ITGA8: variants seen among roughly 807,000 people sequenced by gnomAD.
ITGA8 encodes the protein integrin alpha-8.
In ITGA8, 91 loss-of-function variants were observed where a neutral mutation model predicts 142.3. The observed-to-expected ratio is 0.64, with a 90% CI of 0.54 to 0.76. The LOEUF (loss-of-function observed/expected upper bound fraction) is 0.76. Among genes scored for constraint, ITGA8 ranks in the 30% least tolerant of loss-of-function variants. The pLI is 0.00. For missense variants in ITGA8, 1,406 were observed against 1,327.7 expected (o/e 1.06, Z -0.92); for synonymous variants, 505 against 485.2 (o/e 1.04, Z -0.54).
chr10:15,706,103 G>A (rs1224960845), intron 2 of ITGA8, among the ~76,000 whole-genome samples: 1 of 152,112 alleles, frequency 6.6e-6, no homozygotes, highest in Non-Finnish European at 1.5e-5. Flanking sequence ...CATCTGTTGG[G>A]AGGTCTAATA....
At chr10:15,560,370 CAA>C (rs1353945697) in intron 25 of ITGA8, among the ~76,000 whole-genome samples, 1 of 152,076 alleles carries the variant, frequency 6.6e-6, no homozygotes, top group Non-Finnish European at 1.5e-5. Flanking sequence ...TGCAGTAGCT[CAA>C]GAGTGAAAGG....
intron 25 of ITGA8, among the ~76,000 whole-genome samples, chr10:15,565,947 A>C (rs1834071233): frequency 1.3e-5 from 2 of 150,570 alleles, no homozygotes; most frequent in Non-Finnish European, 3.0e-5. Context: ...TGAGAGACAG[A>C]GGGAAAGAGG....
chr10:15,616,372 G>T, intron 14 of ITGA8, 142 bp downstream of exon 14: 1 of 685,314 alleles, frequency 1.5e-6, no homozygotes, highest in Non-Finnish European at 2.5e-6. Flanking sequence ...AAGAGTGAGA[G>T]CAAAAAATAC....
intron 11 of ITGA8, among the ~76,000 whole-genome samples, chr10:15,650,013 C>T (rs1834057170): frequency 6.6e-6 from 1 of 152,126 alleles, no homozygotes; most frequent in African/African-American, 2.4e-5. Flanking sequence ...AGAATAATTG[C>T]CCAAACTTGG....
intron 26 of ITGA8, among the ~76,000 whole-genome samples, chr10:15,554,822 G>C (rs772398896): frequency 6.6e-6 from 1 of 151,782 alleles, no homozygotes; most frequent in South Asian, 2.1e-4. Context: ...TGACTGGGAG[G>C]CCTCAGGAAA....
intron 13 of ITGA8, among the ~76,000 whole-genome samples, chr10:15,631,376 C>G (rs573366526): frequency 2.0e-5 from 3 of 151,858 alleles, no homozygotes; most frequent in Non-Finnish European, 2.9e-5. Flanking sequence ...CCATGGAATA[C>G]CATGCAGCCA....
chr10:15,694,247 TATG>T lies in ITGA8; in HGVS notation c.344-6212_344-6210del, dbSNP rs1319842413. Among the ~76,000 whole-genome samples the T allele has an allele frequency of 1.6e-4, 20 of 128,088 alleles. 1 individual carries two copies. Among genetic ancestry groups the T allele is most frequent in the Admixed American group, 2.5e-4 (3 of 11,884 alleles). 84.0% of individuals were successfully genotyped at this position (128,088 alleles called of 152,430 possible). On this transcript the variant is annotated intron_variant, in intron 2 of 29. Coordinates refer to ENST00000378076, the MANE Select transcript of ITGA8 (RefSeq NM_003638.3). ...CATATATATGATAATATATCATATA[TATG>T]ATAACATATACATCAGATAATATAT...
At chr10:15,712,968 T>C (rs1835388598) in intron 2 of ITGA8, among the ~76,000 whole-genome samples, 1 of 152,240 alleles carries the variant, frequency 6.6e-6, no homozygotes, top group African/African-American at 2.4e-5. Context: ...GATTAAGCAA[T>C]AGGTGCCTAA....
chr10:15,615,292 G>A (rs1227083248), intron 14 of ITGA8, among the ~76,000 whole-genome samples: 2 of 152,186 alleles, frequency 1.3e-5, no homozygotes, highest in Non-Finnish European at 2.9e-5. Flanking sequence ...TGATTCTCTA[G>A]AACCTTAAGT....
At chr10:15,608,619 A>G (rs1338696985) in intron 15 of ITGA8, among the ~76,000 whole-genome samples, 2 of 152,004 alleles carry the variant, frequency 1.3e-5, no homozygotes, top group East Asian at 3.9e-4. Context: ...CCAGGGAGGG[A>G]AGAATTAGGC....
intron 2 of ITGA8, among the ~76,000 whole-genome samples, chr10:15,706,288 A>G (rs541921038): frequency 1.3e-5 from 2 of 152,214 alleles, no homozygotes; most frequent in South Asian, 4.2e-4. Context: ...TTCCAAATAA[A>G]GCCCCAAACC....
chr10:15,526,704 C>G (rs546775318), intron 28 of ITGA8, among the ~76,000 whole-genome samples: 189 of 152,300 alleles, frequency 1.2e-3, no homozygotes, highest in African/African-American at 4.5e-3. Context: ...TCAAGTACTT[C>G]TAGCTATTTT....
intron 22 of ITGA8, among the ~76,000 whole-genome samples, chr10:15,589,487 T>C (rs10906933): frequency 0.38 from 57,528 of 152,104 alleles, 13,093 homozygotes; most frequent in Non-Finnish European, 0.51. Flanking sequence ...TTTAAGTTTA[T>C]TAACATATAA....
rs1281398687 is a variant in ITGA8 at position 15,527,925 on chromosome 10, T to TC, written c.2982+3124_2982+3125insG. On this transcript the variant is annotated intron_variant, in intron 28 of 29. Transcript: ENST00000378076. ...GCTGGGCTTTTTTTTTTTTTTTTTTTTTTTTTTTGAGACAGGTTCTTGCTC... is the reference window on the plus strand; with the variant it reads ...GCTGGGCTTTTTTTTTTTTTTTTTTTCTTTTTTTTGAGACAGGTTCTTGCTC... Among the ~76,000 whole-genome samples the TC allele has an allele frequency of 1.0e-4, 14 of 138,746 alleles. No individual in the cohort carries two copies. The East Asian group carries it at 2.5e-3, about 25-fold the overall frequency. The allele number at this position is 138,746 out of a possible 152,430, so 91.0% of individuals were successfully genotyped here. A position where few individuals can be genotyped will look rare whatever the true frequency, so the allele number is the denominator to read the frequency against.
At chr10:15,682,853 C>CAA (rs3048323) in intron 4 of ITGA8, among the ~76,000 whole-genome samples, 4 of 120,150 alleles carry the variant, frequency 3.3e-5, no homozygotes, top group African/African-American at 9.5e-5. Flanking sequence ...GACCCTGTCT[C>CAA]AAAAAAAAAA....
Position 15,556,018 on chromosome 10 carries a change from C to CTTTTT in ITGA8, c.2766+2051_2766+2055dup, listed in dbSNP as rs869241754. Reference sequence around the variant, plus strand: ...GTCTTCTGCCAGGGTCTCTCTCTCTCTTTTTTTTTTTTTTTTTTTTTTTTT... The same window carrying CTTTTT: ...GTCTTCTGCCAGGGTCTCTCTCTCTCTTTTTTTTTTTTTTTTTTTTTTTTTTTTTT... On this transcript the variant is annotated intron_variant, in intron 26 of 29. Coordinates refer to ENST00000378076, the MANE Select transcript of ITGA8 (RefSeq NM_003638.3). Among the ~76,000 whole-genome samples the CTTTTT allele has an allele frequency of 1.6e-3, 87 of 53,634 alleles. 21 individuals carry two copies. The highest frequency in any genetic ancestry group is 3.5e-3 in the East Asian group (6 of 1,714). 35.2% of individuals were successfully genotyped at this position (53,634 alleles called of 152,430 possible). A position where few individuals can be genotyped will look rare whatever the true frequency, so the allele number is the denominator to read the frequency against.
intron 27 of ITGA8, among the ~76,000 whole-genome samples, chr10:15,545,298 C>T (rs73598780): frequency 0.055 from 8,419 of 152,194 alleles, 756 homozygotes; most frequent in African/African-American, 0.19. Context: ...TCAACCAGTA[C>T]TGTTAGTTTT....
intron 13 of ITGA8, among the ~76,000 whole-genome samples, chr10:15,639,095 A>C (rs1833822882): frequency 6.6e-6 from 1 of 151,570 alleles, no homozygotes; most frequent in Non-Finnish European, 1.5e-5. Flanking sequence ...GTGCCACTGC[A>C]CTCCAGCCTG....
intron 2 of ITGA8, among the ~76,000 whole-genome samples, chr10:15,715,010 A>G (rs1835425324): frequency 3.3e-5 from 5 of 152,208 alleles, no homozygotes; most frequent in Admixed American, 3.3e-4. Context: ...TATTTGCAAT[A>G]TACATTTTTA....
Sources: allele counts gnomAD v4.1 joint callset (sites outside exome capture counted in the v4.1 genomes callset), GRCh38; gene constraint gnomAD v4.1.1; transcripts MANE v1.5; gene names NCBI Gene and HGNC (gene_info 2026-07-23, HGNC 2026-07-21).